CLCC1: variants seen among roughly 807,000 people sequenced by gnomAD.
The protein encoded by CLCC1 is chloride channel CLIC-like protein 1.
In CLCC1, 39 loss-of-function variants were observed where a neutral mutation model predicts 63.3. That is an observed-to-expected ratio of 0.62 (90% CI 0.48 to 0.81). The LOEUF is 0.81. Ranked by LOEUF, CLCC1 falls within the 30% of genes least tolerant of loss-of-function variation. The probability of loss-of-function intolerance (pLI) is 0.00; values close to 1 mark genes in which losing one functional copy is unlikely to be tolerated. For missense variants in CLCC1, 549 were observed against 669.4 expected, an observed-to-expected ratio of 0.82 and a Z score of 1.98; for synonymous variants, 217 against 239.8, an observed-to-expected ratio of 0.90 and a Z score of 0.88.
At chr1:108,935,024 C>A in intron 11 of CLCC1, 82 bp from the exon 12 acceptor site, 1 of 1,377,392 alleles carries the variant, frequency 7.3e-7, no homozygotes, top group Non-Finnish European at 9.8e-7. Context: ...AGTTCCCACC[C>A]AAATCCGTTG....
In CLCC1 at chr1:108,931,667, C is replaced by T; in HGVS notation, c.*880G>A. On this transcript the variant is annotated 3_prime_UTR_variant, in exon 13 of 13. Transcript: ENST00000369969. ...AAGTTCTAAATTACAACCTGGATTA[C>T]ATTATGTTTCATGTATACTATAAGG... 1 of 820,578 alleles carries T rather than the reference C, an allele frequency of 1.2e-6. No homozygotes were observed. The highest frequency in any genetic ancestry group is 1.8e-6 in the Non-Finnish European group (1 of 567,156). 50.8% of individuals were successfully genotyped at this position (820,578 alleles called of 1,614,324 possible).
At chr1:108,959,245 T>G (rs1320306363) in intron 2 of CLCC1, among the ~76,000 whole-genome samples, 1 of 152,038 alleles carries the variant, frequency 6.6e-6, no homozygotes, top group African/African-American at 2.4e-5. Flanking sequence ...TGCCAGCTAC[T>G]TGAATGGCTG....
intron 11 of CLCC1, among the ~76,000 whole-genome samples, chr1:108,936,300 T>A (rs1434578732): frequency 6.6e-6 from 1 of 152,314 alleles, no homozygotes; most frequent in South Asian, 2.1e-4. Context: ...CTTTGCCACG[T>A]TGGCCAGGCT....
intron 11 of CLCC1, 130 bp from the exon 12 acceptor site, chr1:108,935,072 G>A: frequency 1.2e-6 from 1 of 836,882 alleles, no homozygotes; most frequent in East Asian, 2.7e-5. Flanking sequence ...AGGGTCCAGT[G>A]CTGGGTTATA....
chr1:108,941,271 C>T, intron 8 of CLCC1, 134 bp downstream of exon 8: 1 of 776,122 alleles, frequency 1.3e-6, no homozygotes, highest in South Asian at 1.8e-5. Flanking sequence ...ACCTAAAATG[C>T]TTCTTGCATG....
chr1:108,953,864 G>A lies in CLCC1; in HGVS notation c.-11-3416C>T, dbSNP rs1268203272. On this transcript the variant is annotated intron_variant, in intron 2 of 12. Transcript: ENST00000369969. ...CATCTCTACTAAAAATACAAAATTA[G>A]CTGGGTATGGTGGTGCATGCCTGTA... 1.3e-5 allele frequency among the ~76,000 whole-genome samples: 2 copies of A among 151,500 alleles called. 1 individual carries two copies. Among genetic ancestry groups the A allele is most frequent in the African/African-American group, 4.9e-5 (2 of 40,934 alleles).
In CLCC1 at chr1:108,963,452, G is replaced by A; in HGVS notation, c.-264C>T. ...CAGCTTGCCGCCGCCCAGGGTTTCA[G>A]CGTGCTTCCTGGGCCTCGTCATCGA... On this transcript the variant is annotated 5_prime_UTR_variant, in exon 1 of 13. Transcript: ENST00000369969. 1.4e-6 allele frequency: 1 copy of A among 702,356 alleles called. No homozygotes were observed. Among genetic ancestry groups the A allele is most frequent in the Non-Finnish European group, 2.6e-6 (1 of 384,794 alleles). 43.5% of individuals were successfully genotyped at this position (702,356 alleles called of 1,614,324 possible).
intron 2 of CLCC1, among the ~76,000 whole-genome samples, chr1:108,954,983 CA>C (rs1281701681): frequency 1.3e-5 from 2 of 151,340 alleles, no homozygotes; most frequent in Admixed American, 1.3e-4. Context: ...AGGCATGTGC[CA>C]CCATACCCAG....
rs143377030 is a variant in CLCC1, at chr1:108,940,989, AAAGT to A, written c.796+412_796+415del. On this transcript the variant is annotated intron_variant, in intron 8 of 12. Coordinates refer to ENST00000369969, the MANE Select transcript of CLCC1 (RefSeq NM_001377458.1). ...AACTAATTTTTCCCGTAGTTAAAAA[AAAGT>A]AAAGCTACAACATAAAATTTCACAA... Among the ~76,000 whole-genome samples, 3 of 152,342 alleles carry A rather than the reference AAAGT, an allele frequency of 2.0e-5. No individual in the cohort carries two copies. In the East Asian group the frequency reaches 5.8e-4, roughly 29 times the overall value.
chr1:108,944,188 G>T, intron 5 of CLCC1, 131 bp from the exon 6 acceptor site: 1 of 690,006 alleles, frequency 1.4e-6, no homozygotes, highest in Non-Finnish European at 2.4e-6. Context: ...AAGAATAATA[G>T]CCTGGGCAAG....
intron 2 of CLCC1, 54 bp from the exon 3 acceptor site, chr1:108,950,502 T>C (rs1655049295): frequency 9.5e-6 from 10 of 1,054,164 alleles, no homozygotes; most frequent in Non-Finnish European, 1.2e-5. Flanking sequence ...TTAAATAAAT[T>C]GGGTTTTGGG....
chr1:108,949,842 T>G lies in CLCC1; in HGVS notation c.209A>C (p.Lys70Thr). 6.3e-7 allele frequency: 1 copy of G among 1,579,466 alleles called. No individual in the cohort carries two copies. Among genetic ancestry groups the G allele is most frequent in the Non-Finnish European group, 8.6e-7 (1 of 1,164,758 alleles). The change falls in exon 4 of 13, where the codon AAA becomes ACA. Residue 70 changes from lysine (K) to threonine (T), a missense_variant. Physicochemically the swap from Lys to Thr is moderately conservative, Grantham distance 78. Transcript: ENST00000369969. ...AACCTTATAAGTTAAAGAATCAAGTTTGTGATAACATTCTGATATTTCATC... is the reference window on the plus strand; with the variant it reads ...AACCTTATAAGTTAAAGAATCAAGTGTGTGATAACATTCTGATATTTCATC... ...CADEISECYH[K>T]LDSLTYKIDE...
intron 5 of CLCC1, among the ~76,000 whole-genome samples, chr1:108,946,728 T>C (rs1036880651): frequency 7.2e-5 from 11 of 152,226 alleles, no homozygotes; most frequent in Non-Finnish European, 1.5e-4. Flanking sequence ...CTATGAGCTT[T>C]TAAATGAGCT....
rs148546549 is a variant in CLCC1, at chr1:108,957,729, G to C, written c.-12+4580C>G. ...CAAGTTCTGAAAGATCAAGAGTTTT[G>C]TTTGGATATAGTAAATCTGAAGTGT... On this transcript the variant is annotated intron_variant, in intron 2 of 12. Transcript: ENST00000369969. Among the ~76,000 whole-genome samples, 50 of 151,538 alleles carry C rather than the reference G, an allele frequency of 3.3e-4. 5 individuals carry two copies. Among genetic ancestry groups the C allele is most frequent in the African/African-American group, 1.2e-3 (48 of 40,804 alleles).
At chr1:108,957,256 G>A (rs1656037962) in intron 2 of CLCC1, among the ~76,000 whole-genome samples, 2 of 151,478 alleles carry the variant, frequency 1.3e-5, no homozygotes, top group African/African-American at 2.5e-5. Flanking sequence ...ATGACTGTAT[G>A]TCTCAGCCTC....
At position 108,932,324 on chromosome 1, in the gene CLCC1, C is replaced by CAT. The variant is rs1652136133; in HGVS notation, c.*221_*222dup. Reference sequence around the variant, plus strand: ...ACAATATAAACCTTAATTTTAATGACATATTGGCTAGTCAATAAACAAGTC... The same window carrying CAT: ...ACAATATAAACCTTAATTTTAATGACATATATTGGCTAGTCAATAAACAAGTC... On this transcript the variant is annotated 3_prime_UTR_variant, in exon 13 of 13. Coordinates refer to ENST00000369969, the MANE Select transcript of CLCC1 (RefSeq NM_001377458.1). The CAT allele has an allele frequency of 6.6e-6, 1 of 152,122 alleles. No individual in the cohort carries two copies. Among genetic ancestry groups the CAT allele is most frequent in the African/African-American group, 2.4e-5 (1 of 41,434 alleles). The allele number at this position is 152,122 out of a possible 1,614,324, so 9.4% of individuals were successfully genotyped here.
intron 8 of CLCC1, among the ~76,000 whole-genome samples, 158 bp downstream of exon 8, chr1:108,941,247 G>A (rs561839361): frequency 3.3e-5 from 5 of 152,160 alleles, no homozygotes; most frequent in Non-Finnish European, 7.4e-5. Context: ...AGCATAAAAA[G>A]TCACTGGTTT....
At chr1:108,960,473 A>G (rs1656476516) in intron 2 of CLCC1, among the ~76,000 whole-genome samples, 1 of 152,226 alleles carries the variant, frequency 6.6e-6, no homozygotes, top group Non-Finnish European at 1.5e-5. Flanking sequence ...CTTTCAGAGA[A>G]TGACAGTGAG....
rs1222560526 is a variant in CLCC1, at chr1:108,950,675, A to AT, written c.-11-228dup. Reference sequence around the variant, plus strand: ...AGGTGTGTGCCACCACACCTGGATAATTTTTTTTTTTTAATTTTTAGTAGA... The same window carrying AT: ...AGGTGTGTGCCACCACACCTGGATAATTTTTTTTTTTTTAATTTTTAGTAGA... On this transcript the variant is annotated intron_variant, in intron 2 of 12. Coordinates refer to ENST00000369969, the MANE Select transcript of CLCC1 (RefSeq NM_001377458.1). 3.3e-3 allele frequency among the ~76,000 whole-genome samples: 480 copies of AT among 146,316 alleles called. 4 individuals carry two copies. The highest frequency in any genetic ancestry group is 5.8e-3 in the African/African-American group (233 of 39,950).
Sources: gnomAD v4.1 joint callset for allele counts (sites outside exome capture counted in the v4.1 genomes callset) on GRCh38, gnomAD v4.1.1 for gene constraint, MANE v1.5 for transcripts, NCBI Gene and HGNC (gene_info 2026-07-23, HGNC 2026-07-21) for gene names.